Variants in CREM observed in about 807,000 individuals in gnomAD.
CREM encodes cAMP responsive element modulator, also known as cAMP-responsive element modulator.
A neutral mutation model predicts 37.3 loss-of-function variants in CREM; 13 were observed. The observed-to-expected ratio is 0.35, with a 90% CI of 0.23 to 0.55. The LOEUF is 0.55. Among genes scored for constraint, CREM ranks in the 20% least tolerant of loss-of-function variants. CREM has a pLI of 0.88. For missense variants in CREM, 296 were observed against 362.3 expected, an observed-to-expected ratio of 0.82 and a Z score of 1.49; for synonymous variants, 124 against 120.2, an observed-to-expected ratio of 1.03 and a Z score of -0.21.
intron 2 of CREM, among the ~76,000 whole-genome samples, chr10:35,140,619 T>C (rs911224064): frequency 2.6e-5 from 4 of 152,210 alleles, no homozygotes; most frequent in African/African-American, 9.7e-5. Flanking sequence ...CGCTGGTGTG[T>C]GAATACATGT....
chr10:35,149,917 C>CACACACACACACAT (rs1285844741), intron 3 of CREM, among the ~76,000 whole-genome samples: 1 of 151,040 alleles, frequency 6.6e-6, no homozygotes, highest in African/African-American at 2.4e-5. Flanking sequence ...CACACACACA[C>CACACACACACACAT]ACACACACAC....
intron 1 of CREM, among the ~76,000 whole-genome samples, chr10:35,133,426 G>A (rs1291664127): frequency 6.6e-6 from 1 of 151,662 alleles, no homozygotes; most frequent in Non-Finnish European, 1.5e-5. Context: ...AGCCTCCCAA[G>A]TAGCTGGGAT....
chr10:35,190,164 A>T lies in CREM; in HGVS notation c.598+1776A>T, dbSNP rs146778901. 1.1e-3 allele frequency among the ~76,000 whole-genome samples: 175 copies of T among 152,336 alleles called. 1 individual carries two copies. The highest frequency in any genetic ancestry group is 3.9e-3 in the African/African-American group (164 of 41,580). ...AAACAACAGAGTTTTGAGAATTTTTAATGTTTTACACAATATGCACGTAAG... is the reference window on the plus strand; with the variant it reads ...AAACAACAGAGTTTTGAGAATTTTTTATGTTTTACACAATATGCACGTAAG... On this transcript the variant is annotated intron_variant, in intron 6 of 7. Transcript: ENST00000685392.
intron 6 of CREM, chr10:35,201,394 A>G (rs929379122): frequency 3.9e-6 from 6 of 1,546,198 alleles, no homozygotes; most frequent in East Asian, 4.9e-5. Context: ...ACACTTTGAC[A>G]TACATTGTAG....
At chr10:35,205,660 CTAT>C (rs969476244) in intron 6 of CREM, among the ~76,000 whole-genome samples, 10 of 152,158 alleles carry the variant, frequency 6.6e-5, no homozygotes, top group African/African-American at 2.4e-4. Context: ...TTGCTAGAGC[CTAT>C]TATTAAATTT....
intron 6 of CREM, among the ~76,000 whole-genome samples, chr10:35,202,503 G>A (rs902904001): frequency 2.6e-5 from 4 of 151,970 alleles, no homozygotes; most frequent in African/African-American, 9.7e-5. Context: ...TGATCCTCAT[G>A]CCTCAGCCTC....
chr10:35,161,417 C>G (rs1445140032), intron 3 of CREM, among the ~76,000 whole-genome samples: 1 of 151,880 alleles, frequency 6.6e-6, no homozygotes. Context: ...ATTGCTTAAA[C>G]CCAGAGGCGG....
intron 3 of CREM, among the ~76,000 whole-genome samples, chr10:35,167,965 A>C (rs565638387): frequency 6.6e-6 from 1 of 152,326 alleles, no homozygotes; most frequent in African/African-American, 2.4e-5. Flanking sequence ...ATGTCCCTAC[A>C]AAGGACATGA....
chr10:35,139,638 CAT>C (rs1201124120), intron 2 of CREM, among the ~76,000 whole-genome samples: 3 of 152,114 alleles, frequency 2.0e-5, no homozygotes, highest in African/African-American at 7.2e-5. Flanking sequence ...TAAAATACTA[CAT>C]AGTTAATTAA....
At chr10:35,202,566 A>T (rs556886638) in intron 6 of CREM, among the ~76,000 whole-genome samples, 2 of 152,146 alleles carry the variant, frequency 1.3e-5, no homozygotes, top group African/African-American at 2.4e-5. Flanking sequence ...GTCTTTGCCC[A>T]TATCTTTTTA....
Position 35,211,540 on chromosome 10 carries a change from T to C in CREM, c.*142T>C. 2 of 1,498,154 alleles carry C rather than the reference T, an allele frequency of 1.3e-6. No individual in the cohort carries two copies. Among genetic ancestry groups the C allele is most frequent in the Non-Finnish European group, 1.8e-6 (2 of 1,109,544 alleles). 92.8% of individuals were successfully genotyped at this position (1,498,154 alleles called of 1,614,324 possible). ...TTAGTGTTTGAAATTGAATTGGGAA[T>C]GTTGTTCCAGGATGTGGAATGCAGC... is the stretch of plus-strand genomic sequence containing the variant. On this transcript the variant is annotated 3_prime_UTR_variant, in exon 8 of 8. Transcript: ENST00000685392.
intron 5 of CREM, 72 bp downstream of exon 5, chr10:35,179,348 G>C (rs776133840): frequency 7.8e-6 from 12 of 1,541,738 alleles, no homozygotes; most frequent in Non-Finnish European, 1.1e-5. Context: ...AAGCAACTCA[G>C]GTTTTGGCAT....
At chr10:35,143,158 A>G (rs2091657808) in intron 2 of CREM, among the ~76,000 whole-genome samples, 1 of 151,888 alleles carries the variant, frequency 6.6e-6, no homozygotes, top group African/African-American at 2.4e-5. Flanking sequence ...TTTAGTAGAG[A>G]CGGGGTTTCA....
intron 6 of CREM, among the ~76,000 whole-genome samples, chr10:35,198,313 AG>A (rs1227298015): frequency 6.6e-6 from 1 of 152,100 alleles, no homozygotes; most frequent in Non-Finnish European, 1.5e-5. Context: ...TCACAACCTC[AG>A]GAGTTCAAGA....
chr10:35,211,851 G>T lies in CREM; in HGVS notation c.*453G>T. 6.6e-7 allele frequency: 1 copy of T among 1,522,926 alleles called. No homozygotes were observed. The highest frequency in any genetic ancestry group is 8.8e-7 in the Non-Finnish European group (1 of 1,133,514). The allele number at this position is 1,522,926 out of a possible 1,614,324, so 94.3% of individuals were successfully genotyped here. ...GGCAGCATGTATAGTTGCTTTTGAA[G>T]GAATACAATATATAGCTGGCAAGAA... is the stretch of plus-strand genomic sequence containing the variant. On this transcript the variant is annotated 3_prime_UTR_variant, in exon 8 of 8. Coordinates refer to ENST00000685392, the MANE Select transcript of CREM (RefSeq NM_183011.2).
chr10:35,207,380 C>T (rs1009477629), intron 7 of CREM, among the ~76,000 whole-genome samples: 4 of 150,288 alleles, frequency 2.7e-5, no homozygotes, highest in African/African-American at 9.8e-5. Context: ...GGCGACAGAG[C>T]GAGACTCCAT....
At position 35,199,515 on chromosome 10, in the gene CREM, G is replaced by T. The variant is rs149083918; in HGVS notation, c.599-7380G>T. Reference sequence around the variant, plus strand: ...ATGAATACCAACTATAGAAAGTGCTGTCAAAGAAACTATCAGATTGTGACT... The same window carrying T: ...ATGAATACCAACTATAGAAAGTGCTTTCAAAGAAACTATCAGATTGTGACT... On this transcript the variant is annotated intron_variant, in intron 6 of 7. Transcript: ENST00000685392. 3.7e-4 allele frequency among the ~76,000 whole-genome samples: 57 copies of T among 152,288 alleles called. No homozygotes were observed. In the East Asian group the frequency reaches 9.2e-3, roughly 25 times the overall value.
chr10:35,132,201 CA>C (rs374078423), intron 1 of CREM, among the ~76,000 whole-genome samples: 1,927 of 49,206 alleles, frequency 0.039, 25 homozygotes, highest in African/African-American at 0.11. Context: ...ACTTGAGTCT[CA>C]AAAAAAAAAA....
chr10:35,143,183 C>T (rs1013536180), intron 2 of CREM, among the ~76,000 whole-genome samples: 2 of 151,980 alleles, frequency 1.3e-5, no homozygotes, highest in African/African-American at 4.8e-5. Context: ...GTTGGCCAGG[C>T]TGGTCTTTAA....
Sources: allele counts gnomAD v4.1 joint callset (sites outside exome capture counted in the v4.1 genomes callset), GRCh38; gene constraint gnomAD v4.1.1; transcripts MANE v1.5; gene names NCBI Gene and HGNC (gene_info 2026-07-23, HGNC 2026-07-21).